Variants in RNF180 observed in about 807,000 individuals in gnomAD.
RNF180 encodes the protein ring finger protein 180.
In RNF180, 38 loss-of-function variants were observed where a neutral mutation model predicts 59.2. That is an observed-to-expected ratio of 0.64 (90% CI 0.50 to 0.84). The LOEUF is 0.84. Among genes scored for constraint, RNF180 ranks in the 40% least tolerant of loss-of-function variants. The probability of loss-of-function intolerance (pLI) is 0.00; values close to 1 mark genes in which losing one functional copy is unlikely to be tolerated. For missense variants in RNF180, 705 were observed against 700.9 expected (o/e 1.01, Z -0.07); for synonymous variants, 262 against 240.3 (o/e 1.09, Z -0.84).
chr5:64,257,709 G>A (rs2112304006), intron 5 of RNF180, among the ~76,000 whole-genome samples: 1 of 152,244 alleles, frequency 6.6e-6, no homozygotes, highest in Admixed American at 6.5e-5. Context: ...TCAGGATGAT[G>A]CTGGCCTCAT....
chr5:64,217,453 A>G, intron 5 of RNF180, 57 bp downstream of exon 5: 2 of 1,336,046 alleles, frequency 1.5e-6, no homozygotes. Context: ...GAATGGCTGT[A>G]CCATTTTGCA....
chr5:64,308,545 A>G lies in RNF180; in HGVS notation c.1228-16641A>G, dbSNP rs114115182. ...CAGGGGCTTGGAGGAACCTAATTCT[A>G]TGTTTTTCCAAGGAACAATGGTTCA... On this transcript the variant is annotated intron_variant, in intron 5 of 7. Transcript: ENST00000389100. Among the ~76,000 whole-genome samples the G allele has an allele frequency of 2.1e-3, 322 of 151,786 alleles. 1 individual carries two copies. The highest frequency in any genetic ancestry group is 7.5e-3 in the African/African-American group (311 of 41,480).
chr5:64,241,528 G>T (rs1742806684), intron 5 of RNF180, among the ~76,000 whole-genome samples: 2 of 152,192 alleles, frequency 1.3e-5, no homozygotes, highest in Non-Finnish European at 2.9e-5. Flanking sequence ...AGCTGCATAT[G>T]ATAACTTATT....
At chr5:64,309,381 G>C (rs1743637318) in intron 5 of RNF180, among the ~76,000 whole-genome samples, 1 of 151,712 alleles carries the variant, frequency 6.6e-6, no homozygotes, top group African/African-American at 2.4e-5. Context: ...CATAATGAAA[G>C]CCGTGATCCC....
At chr5:64,240,159 A>T (rs565070149) in intron 5 of RNF180, among the ~76,000 whole-genome samples, 1 of 152,196 alleles carries the variant, frequency 6.6e-6, no homozygotes, top group African/African-American at 2.4e-5. Context: ...AGACTATAAT[A>T]TATAACAGCA....
At chr5:64,235,569 A>T (rs911741180) in intron 5 of RNF180, among the ~76,000 whole-genome samples, 1 of 151,736 alleles carries the variant, frequency 6.6e-6, no homozygotes, top group Non-Finnish European at 1.5e-5. Context: ...TACTAGATCC[A>T]CCTACAATTC....
chr5:64,290,615 C>T (rs535010618), intron 5 of RNF180, among the ~76,000 whole-genome samples: 158 of 152,236 alleles, frequency 1.0e-3, no homozygotes, highest in Middle Eastern at 3.4e-3. Context: ...TTGAATTGAA[C>T]CATTTACCAT....
chr5:64,258,036 G>T (rs867162700), intron 5 of RNF180, among the ~76,000 whole-genome samples: 2 of 152,300 alleles, frequency 1.3e-5, no homozygotes, highest in African/African-American at 4.8e-5. Context: ...AACTTTGCAT[G>T]GGAAAGGCAG....
chr5:64,213,441 G>C (rs1752414745), intron 3 of RNF180, 117 bp from the exon 4 acceptor site: 1 of 851,350 alleles, frequency 1.2e-6, no homozygotes, highest in Admixed American at 2.3e-5. Context: ...AAAACAGAAA[G>C]CTAGCCTTTT....
intron 5 of RNF180, among the ~76,000 whole-genome samples, chr5:64,291,923 G>T (rs1318898795): frequency 6.6e-6 from 1 of 151,990 alleles, no homozygotes; most frequent in Non-Finnish European, 1.5e-5. Flanking sequence ...TCCTTCGCTT[G>T]ATCTCTTCTG....
At chr5:64,292,176 A>G (rs1742627788) in intron 5 of RNF180, among the ~76,000 whole-genome samples, 1 of 152,104 alleles carries the variant, frequency 6.6e-6, no homozygotes, top group Non-Finnish European at 1.5e-5. Context: ...CCTTGCTGGT[A>G]AGGTGCTGCG....
chr5:64,371,292 A>T lies in RNF180; in HGVS notation c.*1478A>T, dbSNP rs911998155. On this transcript the variant is annotated 3_prime_UTR_variant, in exon 8 of 8. Transcript: ENST00000389100. The stretch of plus-strand genomic sequence containing the variant: ...TATAAATGGATATTTATAATTACTA[A>T]TTGCTCAAAGTAAACATAAGGGAAA... The T allele has an allele frequency of 5.3e-5, 8 of 151,768 alleles. No homozygotes were observed. Among genetic ancestry groups the T allele is most frequent in the Non-Finnish European group, 7.4e-5 (5 of 67,710 alleles). The allele number at this position is 151,768 out of a possible 1,614,324, so 9.4% of individuals were successfully genotyped here.
chr5:64,270,771 A>G (rs1741356276), intron 5 of RNF180, among the ~76,000 whole-genome samples: 1 of 152,142 alleles, frequency 6.6e-6, no homozygotes, highest in Non-Finnish European at 1.5e-5. Flanking sequence ...TCTCTCATGT[A>G]GCTTTTCAGT....
At position 64,186,027 on chromosome 5, in the gene RNF180, G is replaced by A. The variant is rs184306598; in HGVS notation, c.1-14781G>A. 4.6e-5 allele frequency among the ~76,000 whole-genome samples: 7 copies of A among 152,308 alleles called. No homozygotes were observed. In the East Asian group the frequency reaches 1.2e-3, roughly 25 times the overall value. ...TTCCCAGGCAGTGCTTTATTGGCCA[G>A]TGTTTTATCTGCTAGGAAATACCTG... is the stretch of plus-strand genomic sequence containing the variant. On this transcript the variant is annotated intron_variant, in intron 1 of 7. Coordinates refer to ENST00000389100, the MANE Select transcript of RNF180 (RefSeq NM_001113561.2).
Position 64,213,585 on chromosome 5 carries a change from T to G in RNF180, c.259T>G (p.Cys87Gly). The G allele has an allele frequency of 6.2e-7, 1 of 1,613,814 alleles. No individual in the cohort carries two copies. Among genetic ancestry groups the G allele is most frequent in the Non-Finnish European group, 8.5e-7 (1 of 1,179,774 alleles). Residue 87 changes from cysteine to glycine, a missense_variant, in exon 4 of 8, where the codon TGT becomes GGT. Transcript: ENST00000389100. The part of the protein sequence containing the change: ...KAQWTVGKLN[C>G]PFCGARLGGF... ...CCAGTGGACAGTTGGAAAACTGAAT[T>G]GTCCTTTCTGTGGGGCCCGTTTAGG...
At chr5:64,220,332 A>G (rs973220172) in intron 5 of RNF180, among the ~76,000 whole-genome samples, 4 of 151,804 alleles carry the variant, frequency 2.6e-5, no homozygotes, top group Non-Finnish European at 5.9e-5. Context: ...AGAAACTTCT[A>G]TTACTGATTT....
Position 64,241,822 on chromosome 5 carries a change from A to AG in RNF180, c.1227+24427dup, listed in dbSNP as rs566952054. On this transcript the variant is annotated intron_variant, in intron 5 of 7. Transcript: ENST00000389100. ...CCGCAAACCCTAGGCAGCACAACACAGAGAGAGATACTGTTTTCCTGGGGG... is the reference window on the plus strand; with the variant it reads ...CCGCAAACCCTAGGCAGCACAACACAGGAGAGAGATACTGTTTTCCTGGGGG... 1.2e-3 allele frequency among the ~76,000 whole-genome samples: 184 copies of AG among 152,246 alleles called. 1 individual carries two copies. The highest frequency in any genetic ancestry group is 2.4e-3 in the Non-Finnish European group (160 of 68,022).
intron 1 of RNF180, among the ~76,000 whole-genome samples, chr5:64,180,012 T>C (rs1286561657): frequency 1.3e-5 from 2 of 152,224 alleles, no homozygotes; most frequent in Non-Finnish European, 2.9e-5. Flanking sequence ...TATATAATTG[T>C]TGGCCATTTG....
At chr5:64,281,551 T>A (rs1742012125) in intron 5 of RNF180, among the ~76,000 whole-genome samples, 1 of 151,798 alleles carries the variant, frequency 6.6e-6, no homozygotes, top group Non-Finnish European at 1.5e-5. Context: ...CAGGCTGGAG[T>A]GAAGTGGCAT....
Sources: allele counts gnomAD v4.1 joint callset (sites outside exome capture counted in the v4.1 genomes callset), GRCh38; gene constraint gnomAD v4.1.1; transcripts MANE v1.5; gene names NCBI Gene and HGNC (gene_info 2026-07-23, HGNC 2026-07-21).